The following AGMO variants were observed in gnomAD, a reference collection of about 807,000 sequenced individuals.
The protein encoded by AGMO is glyceryl-ether monooxygenase.
AGMO carries 75 observed loss-of-function variants against 60.2 expected under a neutral mutation model. The observed-to-expected ratio is 1.25, with a 90% CI of 1.03 to 1.51. The LOEUF (loss-of-function observed/expected upper bound fraction) is 1.51. AGMO is among the 40% of genes most tolerant of loss of function. The probability of loss-of-function intolerance (pLI) is 0.00; values close to 1 mark genes in which losing one functional copy is unlikely to be tolerated. For missense variants in AGMO, 763 were observed against 525.5 expected (o/e 1.45, Z -4.42); for synonymous variants, 261 against 177.1 (o/e 1.47, Z -3.76).
At chr7:15,536,251 T>C (rs1488143250) in intron 3 of AGMO, among the ~76,000 whole-genome samples, 3 of 151,910 alleles carry the variant, frequency 2.0e-5, no homozygotes, top group Non-Finnish European at 2.9e-5. Context: ...AAATCTCAGT[T>C]AATAAGTGTC....
chr7:15,274,168 G>A (rs777930896), intron 12 of AGMO, among the ~76,000 whole-genome samples: 2 of 152,154 alleles, frequency 1.3e-5, no homozygotes, highest in African/African-American at 2.4e-5. Context: ...TGTTGAAAAG[G>A]AGTGGTGAGA....
At chr7:15,139,241 C>A in the AGMO span, among the ~76,000 whole-genome samples, 8 of 152,322 alleles carry the variant, frequency 5.3e-5, no homozygotes, top group East Asian at 1.5e-3. Flanking sequence ...GCTTTATCCA[C>A]TCCCAATTAT....
intron 4 of AGMO, among the ~76,000 whole-genome samples, chr7:15,427,178 C>T (rs1781089237): frequency 6.6e-6 from 1 of 152,126 alleles, no homozygotes; most frequent in Admixed American, 6.6e-5. Flanking sequence ...ACAATGTCTA[C>T]TGTTGATGGC....
chr7:15,547,299 G>C (rs969961299), intron 2 of AGMO, among the ~76,000 whole-genome samples: 9 of 152,118 alleles, frequency 5.9e-5, no homozygotes, highest in African/African-American at 2.2e-4. Flanking sequence ...CTGGAAGAAA[G>C]ATTAAAACAG....
At chr7:15,323,229 A>T (rs1330083655) in intron 12 of AGMO, among the ~76,000 whole-genome samples, 1 of 152,148 alleles carries the variant, frequency 6.6e-6, no homozygotes, top group Non-Finnish European at 1.5e-5. Context: ...TGCTTATTGA[A>T]TAATCACCAT....
the AGMO span, among the ~76,000 whole-genome samples, chr7:15,183,811 T>C: frequency 6.6e-6 from 1 of 152,312 alleles, no homozygotes; most frequent in East Asian, 1.9e-4. Context: ...ATAGTTGTAT[T>C]CAAATAAAAA....
At chr7:15,436,806 G>A (rs1781416200) in intron 3 of AGMO, among the ~76,000 whole-genome samples, 1 of 152,086 alleles carries the variant, frequency 6.6e-6, no homozygotes, top group Non-Finnish European at 1.5e-5. Flanking sequence ...TATTCTCTGG[G>A]ACAATCATGG....
At chr7:15,401,068 A>G (rs1784541239) in intron 5 of AGMO, among the ~76,000 whole-genome samples, 1 of 152,132 alleles carries the variant, frequency 6.6e-6, no homozygotes, top group Admixed American at 6.6e-5. Context: ...CATGTGATAA[A>G]TTAATTAAAT....
chr7:15,407,774 CTT>C (rs576581078), intron 5 of AGMO, among the ~76,000 whole-genome samples: 2 of 151,594 alleles, frequency 1.3e-5, no homozygotes, highest in Non-Finnish European at 2.9e-5. Context: ...AAATGAGAAA[CTT>C]TTTTTGCTAT....
At chr7:15,307,855 T>G (rs1480607830) in intron 12 of AGMO, among the ~76,000 whole-genome samples, 1 of 152,064 alleles carries the variant, frequency 6.6e-6, no homozygotes, top group Non-Finnish European at 1.5e-5. Flanking sequence ...CAAGACTAAA[T>G]AAGACCCATA....
the AGMO span, among the ~76,000 whole-genome samples, chr7:15,171,739 T>A: frequency 6.6e-6 from 1 of 152,238 alleles, no homozygotes; most frequent in African/African-American, 2.4e-5. Context: ...ACAAGTTTCT[T>A]ATTAACATTT....
intron 3 of AGMO, among the ~76,000 whole-genome samples, chr7:15,534,468 T>C (rs1371949951): frequency 6.6e-6 from 1 of 152,018 alleles, no homozygotes; most frequent in African/African-American, 2.4e-5. Flanking sequence ...AATATAATTT[T>C]GTTTATTACA....
intron 3 of AGMO, among the ~76,000 whole-genome samples, chr7:15,536,791 A>C (rs1459419638): frequency 6.6e-6 from 1 of 151,982 alleles, no homozygotes. Context: ...AAAAATCTTA[A>C]TGTACCCTTT....
At chr7:15,253,807 A>T (rs1305000985) in intron 12 of AGMO, among the ~76,000 whole-genome samples, 1 of 152,106 alleles carries the variant, frequency 6.6e-6, no homozygotes. Flanking sequence ...CTCCTATGTA[A>T]CTGTAACACC....
chr7:15,149,442 G>C, the AGMO span, among the ~76,000 whole-genome samples: 5 of 152,150 alleles, frequency 3.3e-5, no homozygotes, highest in East Asian at 9.6e-4. Flanking sequence ...GGTTTATATA[G>C]TTGTAGGTCT....
At chr7:15,522,909 A>G (rs1784039798) in intron 3 of AGMO, among the ~76,000 whole-genome samples, 1 of 152,218 alleles carries the variant, frequency 6.6e-6, no homozygotes. Flanking sequence ...ATGAACAGAC[A>G]ACCTACAGAA....
At chr7:15,247,118 T>G (rs1484250309) in intron 12 of AGMO, among the ~76,000 whole-genome samples, 2 of 152,034 alleles carry the variant, frequency 1.3e-5, no homozygotes, top group Admixed American at 1.3e-4. Flanking sequence ...AAAAAATTTA[T>G]TTATTAGAAC....
chr7:15,529,323 T>C (rs1333206393), intron 3 of AGMO, among the ~76,000 whole-genome samples: 1 of 150,944 alleles, frequency 6.6e-6, no homozygotes, highest in Non-Finnish European at 1.5e-5. Context: ...TTACTGTTAA[T>C]GTAACTTCAA....
At chr7:15,281,951 T>A (rs1025322061) in intron 12 of AGMO, among the ~76,000 whole-genome samples, 2 of 152,122 alleles carry the variant, frequency 1.3e-5, no homozygotes, top group Non-Finnish European at 1.5e-5. Flanking sequence ...AAAGGCCCTC[T>A]ATAGCCTAGG....
Sources: gnomAD v4.1 joint callset for allele counts (sites outside exome capture counted in the v4.1 genomes callset) on GRCh38, gnomAD v4.1.1 for gene constraint, MANE v1.5 for transcripts, NCBI Gene and HGNC (gene_info 2026-07-23, HGNC 2026-07-21) for gene names.